MGST2: variants seen among roughly 807,000 people sequenced by gnomAD.
The protein encoded by MGST2 is glutathione peroxidase MGST2.
A neutral mutation model predicts 16.6 loss-of-function variants in MGST2; 9 were observed. That is an observed-to-expected ratio of 0.54 (90% CI 0.33 to 0.95). The LOEUF (loss-of-function observed/expected upper bound fraction) is 0.95, where lower values mean the gene tolerates loss of function less well. Ranked by LOEUF, MGST2 falls within the 40% of genes least tolerant of loss-of-function variation. The pLI is 0.03. For synonymous variants in MGST2, 79 were observed against 68.0 expected (o/e 1.16, Z -0.79); for missense variants, 159 against 175.1 (o/e 0.91, Z 0.52).
downstream of MGST2, among the ~76,000 whole-genome samples, chr4:139,707,023 TAA>T (rs1178211928): frequency 2.6e-5 from 4 of 152,144 alleles, no homozygotes; most frequent in East Asian, 3.8e-4. Flanking sequence ...TTTTCTGCAT[TAA>T]GAGTCTTTTT....
rs1726726476 is a variant in MGST2, at chr4:139,693,373, C to CCAG, written c.159-1822_159-1820dup. Reference sequence around the variant, plus strand: ...TGAGCCGAGATCGTGCCACTGCACTCCAGCCTGGGCGACAGAGCAAGACTA... The same window carrying CCAG: ...TGAGCCGAGATCGTGCCACTGCACTCCAGCAGCCTGGGCGACAGAGCAAGACTA... On this transcript the variant is annotated intron_variant, in intron 2 of 4. Transcript: ENST00000265498. Among the ~76,000 whole-genome samples the CCAG allele has an allele frequency of 2.7e-5, 4 of 149,084 alleles. No homozygotes were observed. In the Admixed American group the frequency reaches 2.7e-4, roughly 10 times the overall value.
intron 5 of MGST2, chr4:139,730,577 G>T: frequency 1.2e-6 from 2 of 1,606,094 alleles, no homozygotes. Flanking sequence ...GGGCCTGCGG[G>T]ACTGGCTCCT....
chr4:139,705,828 C>T (rs552705034), downstream of MGST2: 3 of 152,054 alleles, frequency 2.0e-5, no homozygotes, highest in Non-Finnish European at 4.4e-5. Context: ...GCGGAACCCC[C>T]AAAGCTGTTC....
rs182775380 is a variant in MGST2 at position 139,713,935 on chromosome 4, G to A, written c.*48+9739G>A. Among the ~76,000 whole-genome samples, 27 of 152,320 alleles carry A rather than the reference G, an allele frequency of 1.8e-4. No individual in the cohort carries two copies. In the East Asian group the frequency reaches 5.2e-3, roughly 29 times the overall value. ...GTTCCTTTCCCAGGAAGAGTCTAGAGTAGTTAATTTTGAGCTTGCAAAGGC... is the reference window on the plus strand; with the variant it reads ...GTTCCTTTCCCAGGAAGAGTCTAGAATAGTTAATTTTGAGCTTGCAAAGGC... On this transcript the variant is annotated intron_variant, in intron 5 of 5. Transcript: ENST00000616265.
At chr4:139,728,573 T>C (rs963050489) in intron 5 of MGST2, among the ~76,000 whole-genome samples, 2 of 152,224 alleles carry the variant, frequency 1.3e-5, no homozygotes, top group Non-Finnish European at 2.9e-5. Flanking sequence ...GGACAAATCT[T>C]GGCCCTGAGG....
In MGST2 at chr4:139,666,071, C is replaced by G; in HGVS notation, c.52C>G (p.Gln18Glu). Residue 18 changes from glutamine to glutamate, a missense_variant, in exon 1 of 5, where the codon CAG becomes GAG. Transcript: ENST00000265498. The stretch of plus-strand genomic sequence containing the variant: ...TGCTGTCTCTATTCTCTCGGCCTGT[C>G]AGCAAAGTAAGAGGCATGGGAAGTT... ...LAAVSILSAC[Q>E]QSYFALQVGK... 2 of 1,613,502 alleles carry G rather than the reference C, an allele frequency of 1.2e-6. No homozygotes were observed. Among genetic ancestry groups the G allele is most frequent in the Non-Finnish European group, 1.7e-6 (2 of 1,179,966 alleles).
intron 2 of MGST2, among the ~76,000 whole-genome samples, chr4:139,692,764 C>G (rs1008473707): frequency 3.3e-5 from 5 of 152,198 alleles, no homozygotes; most frequent in Admixed American, 6.5e-5. Flanking sequence ...GGCCTTCTTC[C>G]TCTTTCAGAT....
At chr4:139,722,164 G>A (rs1728263341) in intron 5 of MGST2, among the ~76,000 whole-genome samples, 1 of 152,174 alleles carries the variant, frequency 6.6e-6, no homozygotes, top group Admixed American at 6.5e-5. Flanking sequence ...TTTCTTTAGA[G>A]GGCAGAAGCG....
At chr4:139,730,865 G>A in intron 5 of MGST2, 1 of 599,442 alleles carries the variant, frequency 1.7e-6, no homozygotes, top group Non-Finnish European at 3.0e-6. Context: ...GAGGCCACAA[G>A]GGACAGTAAG....
At chr4:139,679,540 G>A (rs1731131310) in intron 2 of MGST2, among the ~76,000 whole-genome samples, 1 of 152,114 alleles carries the variant, frequency 6.6e-6, no homozygotes, top group Admixed American at 6.6e-5. Flanking sequence ...TTTTCTGGTG[G>A]GAAATTTTTA....
At chr4:139,700,978 ATTTCAGGTACAATGTCC>A (rs1727218080) in intron 3 of MGST2, among the ~76,000 whole-genome samples, 2 of 152,206 alleles carry the variant, frequency 1.3e-5, no homozygotes. Context: ...GAACTGAGTA[ATTTCAGGTACAATGTCC>A]TTTAGAGAAA....
At chr4:139,669,409 T>C (rs984976945) in intron 1 of MGST2, among the ~76,000 whole-genome samples, 2 of 152,226 alleles carry the variant, frequency 1.3e-5, no homozygotes, top group East Asian at 3.9e-4. Context: ...CAGACAGAGC[T>C]GTATCTGTTG....
At chr4:139,749,641 T>G in the MGST2 span, among the ~76,000 whole-genome samples, 1 of 152,252 alleles carries the variant, frequency 6.6e-6, no homozygotes, top group Admixed American at 6.5e-5. Context: ...ACATTTGTGT[T>G]GCACAATTTG....
chr4:139,747,839 A>C, the MGST2 span, among the ~76,000 whole-genome samples: 2 of 152,038 alleles, frequency 1.3e-5, no homozygotes, highest in African/African-American at 4.8e-5. Flanking sequence ...GGATCACCTG[A>C]GGTTAGGAGT....
intron 3 of MGST2, among the ~76,000 whole-genome samples, chr4:139,699,374 A>G (rs1727112528): frequency 1.3e-5 from 2 of 152,232 alleles, no homozygotes; most frequent in South Asian, 2.1e-4. Context: ...TAAAATTCAT[A>G]TATATATCTA....
At chr4:139,699,750 T>G (rs1174527808) in intron 3 of MGST2, among the ~76,000 whole-genome samples, 2 of 152,192 alleles carry the variant, frequency 1.3e-5, no homozygotes, top group Non-Finnish European at 2.9e-5. Flanking sequence ...CATTAATAAT[T>G]ATAGCTGGCG....
chr4:139,738,283 C>T (rs1465510821), intron 5 of MGST2, among the ~76,000 whole-genome samples: 1 of 152,234 alleles, frequency 6.6e-6, no homozygotes, highest in African/African-American at 2.4e-5. Flanking sequence ...GTGGCTCACG[C>T]CTGTAATCCC....
At chr4:139,684,516 T>C (rs1380000487) in intron 2 of MGST2, among the ~76,000 whole-genome samples, 1 of 152,184 alleles carries the variant, frequency 6.6e-6, no homozygotes, top group Non-Finnish European at 1.5e-5. Flanking sequence ...AATTCTCAAC[T>C]GGCTGTTAAG....
chr4:139,744,242 G>A (rs1579384510), downstream of MGST2, among the ~76,000 whole-genome samples: 1 of 152,328 alleles, frequency 6.6e-6, no homozygotes, highest in East Asian at 1.9e-4. Flanking sequence ...TGAGAACATG[G>A]AGCCTCAGAC....
Sources: allele counts gnomAD v4.1 joint callset (sites outside exome capture counted in the v4.1 genomes callset), GRCh38; gene constraint gnomAD v4.1.1; transcripts MANE v1.5; gene names NCBI Gene and HGNC (gene_info 2026-07-23, HGNC 2026-07-21).